NELL1: variants seen among roughly 807,000 people sequenced by gnomAD.
NELL1 encodes neural EGFL like 1.
NELL1 carries 76 observed loss-of-function variants against 107.4 expected under a neutral mutation model. The ratio of observed to expected loss-of-function variants is 0.71; its 90% CI spans 0.59 to 0.86. The LOEUF (loss-of-function observed/expected upper bound fraction) is 0.86. NELL1 is among the 40% of genes least tolerant of loss of function. NELL1 has a pLI of 0.00. For synonymous variants in NELL1, 353 were observed against 341.2 expected (o/e 1.03, Z -0.38); for missense variants, 1,024 against 1,005.5 (o/e 1.02, Z -0.25).
At chr11:20,806,948 C>A (rs147442335) in intron 3 of NELL1, among the ~76,000 whole-genome samples, 2 of 152,112 alleles carry the variant, frequency 1.3e-5, no homozygotes, top group Non-Finnish European at 1.5e-5. Flanking sequence ...TCCTTCTCTG[C>A]GTTATCTTCA....
chr11:20,701,870 C>A (rs1418394034), intron 2 of NELL1, among the ~76,000 whole-genome samples: 1 of 152,090 alleles, frequency 6.6e-6, no homozygotes, highest in Non-Finnish European at 1.5e-5. Context: ...TGGTCTATAT[C>A]TCTGTTTTGG....
At chr11:21,367,875 C>G (rs1484160641) in intron 14 of NELL1, among the ~76,000 whole-genome samples, 1 of 151,992 alleles carries the variant, frequency 6.6e-6, no homozygotes, top group Non-Finnish European at 1.5e-5. Context: ...TAGCGGTGAC[C>G]CAGCTCCTTG....
intron 14 of NELL1, among the ~76,000 whole-genome samples, chr11:21,239,207 A>G (rs1858286298): frequency 6.6e-6 from 1 of 152,040 alleles, no homozygotes; most frequent in Non-Finnish European, 1.5e-5. Flanking sequence ...GCTCTGTGGT[A>G]CTTCATAAAC....
intron 15 of NELL1, among the ~76,000 whole-genome samples, chr11:21,523,400 T>A (rs921071970): frequency 2.1e-4 from 32 of 152,314 alleles, no homozygotes; most frequent in East Asian, 5.8e-4. Flanking sequence ...TGCATTTTTT[T>A]AAATATATAT....
At chr11:21,178,332 T>A (rs565185161) in intron 13 of NELL1, among the ~76,000 whole-genome samples, 1 of 152,046 alleles carries the variant, frequency 6.6e-6, no homozygotes, top group Non-Finnish European at 1.5e-5. Flanking sequence ...CAGATGAAAT[T>A]AACTGTAGAA....
At chr11:21,240,896 C>T (rs1858340169) in intron 14 of NELL1, among the ~76,000 whole-genome samples, 1 of 151,918 alleles carries the variant, frequency 6.6e-6, no homozygotes, top group Admixed American at 6.6e-5. Context: ...TTAAGGGAAA[C>T]ATGTTAAATC....
chr11:21,437,997 C>T (rs2133841967), intron 15 of NELL1, among the ~76,000 whole-genome samples: 1 of 152,136 alleles, frequency 6.6e-6, no homozygotes, highest in African/African-American at 2.4e-5. Context: ...GTTTATTTTT[C>T]TGATTTGGGT....
intron 3 of NELL1, among the ~76,000 whole-genome samples, chr11:20,803,989 T>C (rs111767924): frequency 0.02 from 2,989 of 152,260 alleles, 101 homozygotes; most frequent in African/African-American, 0.068. Flanking sequence ...GAACTCGGAC[T>C]GACTCTCCTT....
At chr11:20,806,057 T>G (rs891862298) in intron 3 of NELL1, among the ~76,000 whole-genome samples, 21 of 152,156 alleles carry the variant, frequency 1.4e-4, no homozygotes, top group African/African-American at 5.1e-4. Flanking sequence ...TATCCTGTGT[T>G]TTTTTGTGTA....
rs112965705 is a variant in NELL1 at position 21,089,566 on chromosome 11, A to G, written c.1301-24023A>G. Among the ~76,000 whole-genome samples the G allele has an allele frequency of 5.2e-3, 789 of 152,332 alleles. 9 individuals carry two copies. The highest frequency in any genetic ancestry group is 0.018 in the African/African-American group (761 of 41,570). On this transcript the variant is annotated intron_variant, in intron 12 of 19. Transcript: ENST00000357134. The stretch of plus-strand genomic sequence containing the variant: ...TTTGTCGGAAACAAATCAAAGACCA[A>G]GACAAAATTAACAAAGGCTGTTTAT...
chr11:20,721,197 AG>A (rs1482299255), intron 2 of NELL1, among the ~76,000 whole-genome samples: 35 of 108,208 alleles, frequency 3.2e-4, no homozygotes, highest in African/African-American at 1.9e-3. Context: ...ATATATATAT[AG>A]TGTATATATA....
intron 12 of NELL1, among the ~76,000 whole-genome samples, chr11:20,984,250 T>A (rs1851806894): frequency 6.6e-6 from 1 of 152,210 alleles, no homozygotes; most frequent in South Asian, 2.1e-4. Context: ...AATAAACTGT[T>A]TGATACATAT....
At chr11:20,914,952 C>T (rs575159574) in intron 5 of NELL1, among the ~76,000 whole-genome samples, 2 of 152,054 alleles carry the variant, frequency 1.3e-5, no homozygotes, top group East Asian at 1.9e-4. Context: ...AAAACTATTG[C>T]CCCACATGAT....
At chr11:20,926,396 G>C (rs16907049) in intron 7 of NELL1, among the ~76,000 whole-genome samples, 3,789 of 152,224 alleles carry the variant, frequency 0.025, 167 homozygotes, top group African/African-American at 0.087. Flanking sequence ...TCAAATGCTT[G>C]AAGATTAGGT....
chr11:21,101,210 T>A (rs113721306), intron 12 of NELL1, among the ~76,000 whole-genome samples: 352 of 152,326 alleles, frequency 2.3e-3, no homozygotes, highest in African/African-American at 8.0e-3. Flanking sequence ...GGTGTATATG[T>A]GCCACATTTT....
At chr11:21,545,535 GT>G (rs1253591082) in intron 16 of NELL1, among the ~76,000 whole-genome samples, 2 of 151,992 alleles carry the variant, frequency 1.3e-5, no homozygotes, top group Non-Finnish European at 2.9e-5. Flanking sequence ...TGTGGTTATG[GT>G]TTTAGGGTCC....
intron 14 of NELL1, among the ~76,000 whole-genome samples, chr11:21,306,406 G>A (rs563500429): frequency 7.9e-5 from 12 of 152,102 alleles, no homozygotes; most frequent in Non-Finnish European, 1.0e-4. Context: ...GCTAGTTCAC[G>A]ACTTGCTCAT....
At chr11:21,390,084 T>C (rs1264597640) in intron 15 of NELL1, among the ~76,000 whole-genome samples, 1 of 151,806 alleles carries the variant, frequency 6.6e-6, no homozygotes, top group African/African-American at 2.4e-5. Context: ...CCTGCCTTTT[T>C]CATTTTAGCC....
At chr11:21,109,158 T>C (rs561821847) in intron 12 of NELL1, among the ~76,000 whole-genome samples, 1 of 152,026 alleles carries the variant, frequency 6.6e-6, no homozygotes, top group Non-Finnish European at 1.5e-5. Context: ...TCAAGATAAA[T>C]GGAAGGATGA....
Sources: gnomAD v4.1 joint callset for allele counts (sites outside exome capture counted in the v4.1 genomes callset) on GRCh38, gnomAD v4.1.1 for gene constraint, MANE v1.5 for transcripts, NCBI Gene and HGNC (gene_info 2026-07-23, HGNC 2026-07-21) for gene names.